ANK3: variants seen among roughly 807,000 people sequenced by gnomAD.
ANK3 encodes the protein ankyrin 3.
In ANK3, 57 loss-of-function variants were observed where a neutral mutation model predicts 370.9. That is an observed-to-expected ratio of 0.15 (90% CI 0.12 to 0.19). ANK3 has a LOEUF of 0.19. Ranked by LOEUF, ANK3 falls within the 10% of genes least tolerant of loss-of-function variation. The pLI, the probability that ANK3 is intolerant of heterozygous loss-of-function variation, is 1.00. For missense variants in ANK3, 4,439 were observed against 5,302.1 expected (o/e 0.84, Z 5.06); for synonymous variants, 1,929 against 1,946.3 (o/e 0.99, Z 0.23).
intron 33 of ANK3, 96 bp from the exon 34 acceptor site, chr10:60,082,833 A>T: frequency 7.2e-7 from 1 of 1,380,712 alleles, no homozygotes; most frequent in Non-Finnish European, 9.8e-7. Context: ...ATCAAGCCCT[A>T]TGAGAGGCAG....
intron 1 of ANK3, among the ~76,000 whole-genome samples, chr10:60,711,544 A>G (rs2079707630): frequency 2.0e-5 from 3 of 151,996 alleles, no homozygotes; most frequent in Admixed American, 2.0e-4. Context: ...AAAAAAGAAT[A>G]TTTTTTTAAG....
chr10:60,145,928 G>A (rs1007699399), intron 23 of ANK3: 27 of 717,016 alleles, frequency 3.8e-5, no homozygotes, highest in Non-Finnish European at 6.2e-5. Context: ...CTTTCAAAAT[G>A]GGAACTATAT....
At chr10:60,591,039 G>A (rs1372828468) in intron 2 of ANK3, among the ~76,000 whole-genome samples, 3 of 152,158 alleles carry the variant, frequency 2.0e-5, no homozygotes, top group Non-Finnish European at 4.4e-5. Context: ...AAGGACACAA[G>A]TGTGCCAGAG....
At position 60,063,152 on chromosome 10, in the gene ANK3, C is replaced by A; in HGVS notation, c.12554G>T (p.Ser4185Ile). The change falls in exon 40 of 44, where the codon AGT becomes ATT. Residue 4185 changes from serine (S) to isoleucine (I), a missense_variant. Physicochemically the swap from Ser to Ile is moderately radical, Grantham distance 142. Around this residue, in one of 13 missense-constraint regions of ANK3, gnomAD observed 242 missense variants for 228.0 expected, o/e 1.06. Transcript: ENST00000280772. Reference protein sequence around the residue: ...FDYGNISGTRSFADENNVFHD... With the variant: ...FDYGNISGTRIFADENNVFHD... ...GAAAACATTGTTCTCATCTGCAAAA[C>A]TTCTGGTGCCTGAAATATTTCCATA... The A allele has an allele frequency of 6.2e-7, 1 of 1,613,472 alleles. No individual in the cohort carries two copies. The highest frequency in any genetic ancestry group is 8.5e-7 in the Non-Finnish European group (1 of 1,179,782).
At chr10:60,192,079 A>C (rs2096492064) in intron 16 of ANK3, among the ~76,000 whole-genome samples, 1 of 151,832 alleles carries the variant, frequency 6.6e-6, no homozygotes, top group African/African-American at 2.4e-5. Context: ...TTTTTAGTAG[A>C]GAAGGGGTTT....
At chr10:60,608,444 T>C (rs768619107) in intron 2 of ANK3, among the ~76,000 whole-genome samples, 3 of 152,138 alleles carry the variant, frequency 2.0e-5, no homozygotes, top group Admixed American at 6.5e-5. Flanking sequence ...ACAGACTAAG[T>C]AGTGAGTGAT....
rs76733192 is a variant in ANK3, at chr10:60,200,123, G to A, written c.1491+6C>T. 4.8e-3 allele frequency: 7,673 copies of A among 1,610,296 alleles called. 225 individuals carry two copies. The African/African-American group carries it at 0.075, about 16-fold the overall frequency. On this transcript the variant is annotated splice_donor_region_variant and intron_variant, in intron 13 of 43. Coordinates refer to ENST00000280772, the MANE Select transcript of ANK3 (RefSeq NM_020987.5). The stretch of plus-strand genomic sequence containing the variant: ...ATTTCAAACACTTGTCAAGTATTGC[G>A]CATACCTTAGCTTTAGCTTCTACCT...
At chr10:60,225,849 G>C (rs990416012) in intron 8 of ANK3, among the ~76,000 whole-genome samples, 11 of 151,394 alleles carry the variant, frequency 7.3e-5, no homozygotes, top group Admixed American at 2.6e-4. Context: ...GAATTATTTA[G>C]TATACTAATC....
Position 60,084,452 on chromosome 10 carries a change from T to A in ANK3, c.4074+150A>T, listed in dbSNP as rs559479353. On this transcript the variant is annotated intron_variant, in intron 32 of 43. Coordinates refer to ENST00000280772, the MANE Select transcript of ANK3 (RefSeq NM_020987.5). The stretch of plus-strand genomic sequence containing the variant: ...AATTAAATTAAAAAAGATAAAAAAA[T>A]TTGAGTATTAATCTATATCAAATTT... The A allele has an allele frequency of 4.3e-4, 178 of 414,828 alleles. 2 individuals carry two copies. The highest frequency in any genetic ancestry group is 1.5e-4 in the Non-Finnish European group (36 of 243,450). 25.7% of individuals were successfully genotyped at this position (414,828 alleles called of 1,614,324 possible).
chr10:60,036,963 A>G (rs973986040), intron 43 of ANK3, among the ~76,000 whole-genome samples: 8 of 152,140 alleles, frequency 5.3e-5, no homozygotes, highest in African/African-American at 1.9e-4. Context: ...ATAGCATTTC[A>G]AACCCAAGTC....
chr10:60,104,679 T>C (rs2091922318), intron 28 of ANK3, among the ~76,000 whole-genome samples: 1 of 152,204 alleles, frequency 6.6e-6, no homozygotes, highest in South Asian at 2.1e-4. Context: ...ATTCTCCCTC[T>C]ACCTTGCTGT....
chr10:60,434,414 C>A (rs937406041), intron 2 of ANK3, among the ~76,000 whole-genome samples: 1 of 152,110 alleles, frequency 6.6e-6, no homozygotes, highest in African/African-American at 2.4e-5. Flanking sequence ...CATGAAGTCA[C>A]TATTTAAAGA....
Position 60,352,913 on chromosome 10 carries a change from AAG to A in ANK3, c.114+36510_114+36511del, listed in dbSNP as rs1444529452. ...ACTCTCTTAGGAGAGGGAGGGAAAA[AAG>A]AGGCAAAAAGGGATGGAGAAAGAGA... On this transcript the variant is annotated intron_variant, in intron 1 of 43. Transcript: ENST00000280772. Among the ~76,000 whole-genome samples, 4 of 152,276 alleles carry A rather than the reference AAG, an allele frequency of 2.6e-5. No individual in the cohort carries two copies. The Middle Eastern group carries it at 0.01, about 388-fold the overall frequency.
In ANK3 at chr10:60,603,955, A is replaced by G. The variant is rs188376749; in HGVS notation, c.96+11231T>C. ...AATTTAAATATAAACATTGGTTACA[A>G]GCATTTATTCAAGCATTTGTTTAAA... On this transcript the variant is annotated intron_variant, in intron 2 of 43. Coordinates refer to the ANK3 transcript ENST00000373827. Among the ~76,000 whole-genome samples the G allele has an allele frequency of 2.8e-3, 425 of 152,314 alleles. 1 individual carries two copies. Among genetic ancestry groups the G allele is most frequent in the Non-Finnish European group, 5.0e-3 (341 of 68,018 alleles).
rs1416855523 is a variant in ANK3, at chr10:60,711,634, GA to G, written c.57+21628del. Among the ~76,000 whole-genome samples, 3 of 151,978 alleles carry G rather than the reference GA, an allele frequency of 2.0e-5. No homozygotes were observed. In the East Asian group the frequency reaches 5.8e-4, roughly 29 times the overall value. ...ATAATGGCAATGCCAGGAGAAGAAA[GA>G]GAGAAAAGAACAAAAGAAATATTTG... On this transcript the variant is annotated intron_variant, in intron 1 of 43. Coordinates refer to the ANK3 transcript ENST00000373827.
In ANK3 at chr10:60,235,448, AC is replaced by A. The variant is rs756318191; in HGVS notation, c.799-663del. Among the ~76,000 whole-genome samples the A allele has an allele frequency of 5.9e-5, 9 of 152,018 alleles. 1 individual carries two copies. The highest frequency in any genetic ancestry group is 1.9e-4 in the East Asian group (1 of 5,186). On this transcript the variant is annotated intron_variant, in intron 7 of 43. Transcript: ENST00000280772. ...TTCTCCTTGATTTCAGTGGTAGGCT[AC>A]CATAGTTATTCTTCTCTCCAAGCAT...
At chr10:60,489,371 G>A (rs2075433248) in intron 2 of ANK3, among the ~76,000 whole-genome samples, 1 of 152,046 alleles carries the variant, frequency 6.6e-6, no homozygotes, top group African/African-American at 2.4e-5. Flanking sequence ...ATTATTACAT[G>A]TTATGTATTA....
chr10:60,272,245 T>C (rs944665651), intron 4 of ANK3, among the ~76,000 whole-genome samples: 3 of 152,054 alleles, frequency 2.0e-5, no homozygotes, highest in Non-Finnish European at 4.4e-5. Flanking sequence ...TTTCTCATTT[T>C]CTAATTGGAC....
At chr10:60,281,421 G>A (rs1477774021) in intron 1 of ANK3, among the ~76,000 whole-genome samples, 1 of 152,194 alleles carries the variant, frequency 6.6e-6, no homozygotes, top group Admixed American at 6.5e-5. Context: ...GGGGGAGGGG[G>A]CAAAGTCTTC....
Sources: allele counts gnomAD v4.1 joint callset (sites outside exome capture counted in the v4.1 genomes callset), GRCh38; gene constraint gnomAD v4.1.1; regional missense constraint gnomAD v4.1.1; transcripts MANE v1.5; gene names NCBI Gene and HGNC (gene_info 2026-07-23, HGNC 2026-07-21).